Variants in RBFOX3 observed in about 807,000 individuals in gnomAD.
The protein encoded by RBFOX3 is RNA binding fox-1 homolog 3.
Under a neutral mutation model 48.7 loss-of-function variants are expected in RBFOX3, and 17 were observed. The observed-to-expected ratio is 0.35, with a 90% confidence interval of 0.24 to 0.52. The LOEUF (loss-of-function observed/expected upper bound fraction) is 0.52. RBFOX3 is among the 20% of genes least tolerant of loss of function. RBFOX3 has a pLI of 0.94. For missense variants in RBFOX3, 382 were observed against 497.5 expected (o/e 0.77, Z 2.21); for synonymous variants, 212 against 209.5 (o/e 1.01, Z -0.10).
At chr17:79,182,786 C>G (rs1051707415) in intron 4 of RBFOX3, among the ~76,000 whole-genome samples, 5 of 151,684 alleles carry the variant, frequency 3.3e-5, no homozygotes, top group Admixed American at 2.0e-4. Flanking sequence ...TCCCCGGAGG[C>G]CCGGCGCGCG....
chr17:79,398,250 G>A (rs1357664624), intron 2 of RBFOX3, among the ~76,000 whole-genome samples: 1 of 152,060 alleles, frequency 6.6e-6, no homozygotes, highest in African/African-American at 2.4e-5. Context: ...TCCCAGAACT[G>A]CCCCCCAAGT....
chr17:79,283,806 G>T (rs114934979), intron 3 of RBFOX3, among the ~76,000 whole-genome samples: 4,602 of 152,246 alleles, frequency 0.03, 113 homozygotes, highest in East Asian at 0.067. Flanking sequence ...TGGATCCATC[G>T]CCTAGAACTC....
chr17:79,326,609 C>T (rs374995165), intron 2 of RBFOX3, among the ~76,000 whole-genome samples: 132 of 152,318 alleles, frequency 8.7e-4, no homozygotes, highest in African/African-American at 2.8e-3. Flanking sequence ...CTCTAGACAA[C>T]CCGCAGGCAC....
intron 1 of RBFOX3, among the ~76,000 whole-genome samples, chr17:79,596,239 A>AGCTCCT (rs1157566065): frequency 2.6e-5 from 4 of 152,216 alleles, no homozygotes; most frequent in African/African-American, 9.6e-5. Flanking sequence ...GAGGGGAAGA[A>AGCTCCT]GCTCCTGGGG....
intron 4 of RBFOX3, among the ~76,000 whole-genome samples, chr17:79,159,780 CCACTCACACACACACTACCTCCA>C (rs2046578563): frequency 6.6e-6 from 1 of 152,184 alleles, no homozygotes; most frequent in Admixed American, 6.5e-5. Context: ...TTGCTCACAA[CCACTCACACACACACTACCTCCA>C]CACTCACACC....
At chr17:79,148,874 C>T (rs368671432) in intron 4 of RBFOX3, among the ~76,000 whole-genome samples, 3 of 152,184 alleles carry the variant, frequency 2.0e-5, no homozygotes, top group Admixed American at 6.5e-5. Flanking sequence ...AGACCACCCT[C>T]GCTGGCACTG....
intron 4 of RBFOX3, among the ~76,000 whole-genome samples, chr17:79,218,653 G>C (rs766419756): frequency 2.0e-4 from 30 of 152,182 alleles, no homozygotes; most frequent in Non-Finnish European, 3.7e-4. Flanking sequence ...CGCCAGGTCA[G>C]GGCCGGGAGC....
At chr17:79,280,201 C>G (rs1446544668) in intron 3 of RBFOX3, among the ~76,000 whole-genome samples, 1 of 149,484 alleles carries the variant, frequency 6.7e-6, no homozygotes, top group Non-Finnish European at 1.5e-5. Context: ...CTTATACACA[C>G]CACACACTCA....
At position 79,289,566 on chromosome 17, in the gene RBFOX3, A is replaced by G. The variant is rs547376942; in HGVS notation, c.-74+18158T>C. 3.3e-5 allele frequency among the ~76,000 whole-genome samples: 5 copies of G among 152,318 alleles called. No homozygotes were observed. In the South Asian group the frequency reaches 8.3e-4, roughly 25 times the overall value. On this transcript the variant is annotated intron_variant, in intron 3 of 14. Transcript: ENST00000693108. Reference sequence around the variant, plus strand: ...GACTTCTTCCTTTTGTGTTGGTGACAGCCCAGGGACTGTGCTTTTTCCAGA... The same window carrying G: ...GACTTCTTCCTTTTGTGTTGGTGACGGCCCAGGGACTGTGCTTTTTCCAGA...
the RBFOX3 span, among the ~76,000 whole-genome samples, chr17:79,646,326 A>G: frequency 0.49 from 74,989 of 152,092 alleles, 21,325 homozygotes; most frequent in Non-Finnish European, 0.63. Flanking sequence ...TGAGAAGTTT[A>G]ACCAAAAACT....
At chr17:79,358,562 G>C (rs900981049) in intron 2 of RBFOX3, among the ~76,000 whole-genome samples, 8 of 152,174 alleles carry the variant, frequency 5.3e-5, no homozygotes, top group Non-Finnish European at 7.3e-5. Context: ...CCGGGTTCAA[G>C]CAATTCCATT....
At chr17:79,196,330 C>T (rs1391297596) in intron 4 of RBFOX3, among the ~76,000 whole-genome samples, 1 of 152,176 alleles carries the variant, frequency 6.6e-6, no homozygotes. Context: ...CTGGGAGTCA[C>T]AGACCCGGAG....
At chr17:79,152,386 G>A (rs1034112787) in intron 4 of RBFOX3, among the ~76,000 whole-genome samples, 1 of 151,826 alleles carries the variant, frequency 6.6e-6, no homozygotes, top group Non-Finnish European at 1.5e-5. Context: ...GCCAGCCGAG[G>A]CCCAGAGAGT....
the RBFOX3 span, among the ~76,000 whole-genome samples, chr17:79,628,250 C>A: frequency 6.6e-6 from 1 of 152,120 alleles, no homozygotes; most frequent in Non-Finnish European, 1.5e-5. Flanking sequence ...TTCTGTTCCC[C>A]ACCCCAAACA....
At chr17:79,466,402 T>C (rs2076323114) in intron 2 of RBFOX3, among the ~76,000 whole-genome samples, 1 of 152,188 alleles carries the variant, frequency 6.6e-6, no homozygotes, top group South Asian at 2.1e-4. Context: ...GGGCAGCACC[T>C]GCGAGTGTTT....
At chr17:79,472,453 G>T (rs111925763) in intron 2 of RBFOX3, among the ~76,000 whole-genome samples, 5,007 of 152,072 alleles carry the variant, frequency 0.033, 289 homozygotes, top group African/African-American at 0.11. Context: ...CATATGGGTG[G>T]GCCTCATCCA....
chr17:79,475,210 A>G (rs1298913830), intron 2 of RBFOX3, among the ~76,000 whole-genome samples: 3 of 152,050 alleles, frequency 2.0e-5, no homozygotes, highest in Admixed American at 6.5e-5. Flanking sequence ...CTCCCTCTCC[A>G]CTAGGTCTGT....
chr17:79,157,668 C>T (rs2377304), intron 4 of RBFOX3, among the ~76,000 whole-genome samples: 24 of 152,118 alleles, frequency 1.6e-4, no homozygotes, highest in Non-Finnish European at 2.8e-4. Flanking sequence ...CCAGCTCTGC[C>T]GGGGGACAGA....
intron 1 of RBFOX3, among the ~76,000 whole-genome samples, chr17:79,566,394 C>T (rs1188376852): frequency 3.3e-5 from 5 of 152,194 alleles, no homozygotes; most frequent in Non-Finnish European, 7.3e-5. Context: ...TCACCATGGT[C>T]CTGCAGCTCC....
Sources: allele counts gnomAD v4.1 joint callset (sites outside exome capture counted in the v4.1 genomes callset), GRCh38; gene constraint gnomAD v4.1.1; transcripts MANE v1.5; gene names NCBI Gene and HGNC (gene_info 2026-07-23, HGNC 2026-07-21).